Variants in RUNX2 observed in about 807,000 individuals in gnomAD.
The protein encoded by RUNX2 is RUNX family transcription factor 2.
A neutral mutation model predicts 51.7 loss-of-function variants in RUNX2; 10 were observed. That is an observed-to-expected ratio of 0.19 (90% CI 0.12 to 0.33). The LOEUF is 0.33. RUNX2 is among the 10% of genes least tolerant of loss of function. The pLI, the probability that RUNX2 is intolerant of heterozygous loss-of-function variation, is 1.00. For missense variants in RUNX2, 562 were observed against 691.3 expected (o/e 0.81, Z 2.10); for synonymous variants, 276 against 273.6 (o/e 1.01, Z -0.09).
chr6:45,532,162 A>ATTTTTT (rs3055521), intron 7 of RUNX2, among the ~76,000 whole-genome samples: 7 of 85,128 alleles, frequency 8.2e-5, no homozygotes, highest in Admixed American at 1.4e-4. Context: ...GAAAACCTAG[A>ATTTTTT]TTTTTTTTTT....
chr6:45,404,630 G>A (rs1246027418), intron 2 of RUNX2, among the ~76,000 whole-genome samples: 1 of 152,202 alleles, frequency 6.6e-6, no homozygotes, highest in Non-Finnish European at 1.5e-5. Context: ...GTGCCTGTCT[G>A]CAGCATATTA....
At chr6:45,501,600 A>T (rs1053998032) in intron 6 of RUNX2, among the ~76,000 whole-genome samples, 2 of 152,336 alleles carry the variant, frequency 1.3e-5, no homozygotes, top group African/African-American at 4.8e-5. Context: ...CACAATCTAT[A>T]TATTAATGAC....
At chr6:45,410,759 G>A (rs1019732130) in intron 2 of RUNX2, among the ~76,000 whole-genome samples, 5 of 152,148 alleles carry the variant, frequency 3.3e-5, no homozygotes, top group East Asian at 1.9e-4. Flanking sequence ...ACTGTGCACC[G>A]AGCCTTGGGA....
At chr6:45,428,412 C>T (rs563796032) in intron 3 of RUNX2, among the ~76,000 whole-genome samples, 10 of 151,902 alleles carry the variant, frequency 6.6e-5, no homozygotes, top group Non-Finnish European at 1.3e-4. Flanking sequence ...AACCTTTTCT[C>T]CCCCTCAGAA....
chr6:45,367,700 T>A (rs1795381622), intron 2 of RUNX2, among the ~76,000 whole-genome samples: 1 of 152,198 alleles, frequency 6.6e-6, no homozygotes, highest in Non-Finnish European at 1.5e-5. Flanking sequence ...ACTTGTCTGA[T>A]TTGACAGACA....
At chr6:45,445,822 A>AG (rs767811425) in intron 5 of RUNX2, among the ~76,000 whole-genome samples, 1 of 54,550 alleles carries the variant, frequency 1.8e-5, no homozygotes, top group East Asian at 6.0e-4. Flanking sequence ...AAGAAGGATG[A>AG]GGGGGGCGGG....
At chr6:45,394,970 C>A (rs774741924) in intron 2 of RUNX2, among the ~76,000 whole-genome samples, 1 of 152,060 alleles carries the variant, frequency 6.6e-6, no homozygotes, top group African/African-American at 2.4e-5. Context: ...GGGGGGGAGG[C>A]AAGACTAGGG....
chr6:45,544,192 A>C (rs1027559120), intron 7 of RUNX2, among the ~76,000 whole-genome samples: 1 of 152,196 alleles, frequency 6.6e-6, no homozygotes, highest in African/African-American at 2.4e-5. Flanking sequence ...ATTGGTTAAA[A>C]TACTGTAAAC....
chr6:45,518,886 G>A (rs1182717918), intron 7 of RUNX2, among the ~76,000 whole-genome samples: 2 of 152,180 alleles, frequency 1.3e-5, no homozygotes, highest in Non-Finnish European at 2.9e-5. Flanking sequence ...AGTGGCTTCT[G>A]CAGTGCACTG....
chr6:45,431,348 C>G (rs1303191270), intron 3 of RUNX2, among the ~76,000 whole-genome samples: 1 of 152,134 alleles, frequency 6.6e-6, no homozygotes, highest in Admixed American at 6.5e-5. Context: ...GGAGATAAAA[C>G]AGACTACACG....
chr6:45,421,555 C>G (rs1582092494), intron 2 of RUNX2: 1 of 152,210 alleles, frequency 6.6e-6, no homozygotes, highest in Non-Finnish European at 1.5e-5. Flanking sequence ...AATTTTCTTT[C>G]CTCCTCTCCT....
At chr6:45,342,648 G>A (rs565484627) in intron 2 of RUNX2, among the ~76,000 whole-genome samples, 7 of 152,038 alleles carry the variant, frequency 4.6e-5, no homozygotes, top group African/African-American at 1.7e-4. Context: ...CACAGTAGCA[G>A]GATTTTGGAA....
chr6:45,509,420 C>T (rs1185512462), intron 6 of RUNX2, among the ~76,000 whole-genome samples: 1 of 152,080 alleles, frequency 6.6e-6, no homozygotes, highest in Non-Finnish European at 1.5e-5. Context: ...TCACAAAAAC[C>T]CTAATAAGTA....
intron 5 of RUNX2, among the ~76,000 whole-genome samples, chr6:45,439,780 G>T (rs57692088): frequency 0.084 from 12,780 of 152,006 alleles, 1,822 homozygotes; most frequent in African/African-American, 0.29. Context: ...GGGAAGGATA[G>T]GTGCTCCCTG....
chr6:45,508,658 A>G (rs1801053104), intron 6 of RUNX2, among the ~76,000 whole-genome samples: 4 of 152,188 alleles, frequency 2.6e-5, no homozygotes, highest in Non-Finnish European at 5.9e-5. Context: ...AGATCTTCTG[A>G]CTTGTTTAGG....
intron 2 of RUNX2, chr6:45,377,957 A>C (rs927912032): frequency 6.6e-6 from 1 of 151,606 alleles, no homozygotes; most frequent in Non-Finnish European, 1.5e-5. Context: ...GGGGGGGTAC[A>C]AGATGGCGTG....
At chr6:45,489,688 A>G (rs1466581299) in intron 5 of RUNX2, among the ~76,000 whole-genome samples, 1 of 150,670 alleles carries the variant, frequency 6.6e-6, no homozygotes, top group African/African-American at 2.5e-5. Flanking sequence ...CACCAATACT[A>G]TGTGTGTGCA....
intron 7 of RUNX2, among the ~76,000 whole-genome samples, chr6:45,527,334 G>C (rs1801701139): frequency 6.6e-6 from 1 of 152,214 alleles, no homozygotes; most frequent in African/African-American, 2.4e-5. Context: ...ATTTTAAGCA[G>C]GGTCTTGATA....
intron 2 of RUNX2, among the ~76,000 whole-genome samples, chr6:45,401,773 A>G (rs934772124): frequency 6.6e-6 from 1 of 152,214 alleles, no homozygotes; most frequent in Admixed American, 6.5e-5. Flanking sequence ...CCTAATGTAG[A>G]CGTTCAACCT....
Sources: allele counts gnomAD v4.1 joint callset (sites outside exome capture counted in the v4.1 genomes callset), GRCh38; gene constraint gnomAD v4.1.1; transcripts MANE v1.5; gene names NCBI Gene and HGNC (gene_info 2026-07-23, HGNC 2026-07-21).